Variants in THADA observed in about 807,000 individuals in gnomAD.
THADA encodes THADA armadillo repeat containing.
THADA carries 213 observed loss-of-function variants against 219.8 expected under a neutral mutation model. That is an observed-to-expected ratio of 0.97 (90% CI 0.87 to 1.09). THADA has a LOEUF of 1.09. Ranked by LOEUF, THADA falls within the 50% of genes least tolerant of loss-of-function variation. The probability of loss-of-function intolerance (pLI) is 0.00; values close to 1 mark genes in which losing one functional copy is unlikely to be tolerated. For missense variants in THADA, 2,956 were observed against 2,311.3 expected, an observed-to-expected ratio of 1.28 and a Z score of -5.72; for synonymous variants, 1,018 against 828.9, an observed-to-expected ratio of 1.23 and a Z score of -3.92.
At position 43,293,033 on chromosome 2, in the gene THADA, T is replaced by C; in HGVS notation, c.4619A>G (p.Asn1540Ser). 6.2e-7 allele frequency: 1 copy of C among 1,613,872 alleles called. No homozygotes were observed. The highest frequency in any genetic ancestry group is 8.5e-7 in the Non-Finnish European group (1 of 1,179,894). The change falls in exon 32 of 38, where the codon AAT becomes AGT. Residue 1540 changes from asparagine to serine, a missense_variant. Physicochemically the swap from Asn to Ser is conservative, Grantham distance 46. Coordinates refer to ENST00000405975, the MANE Select transcript of THADA (RefSeq NM_022065.5). Reference sequence around the variant, plus strand: ...CAGCTGAGAGAAAGAGATGGGGACATTCGTCTCCCGCTCTCCACTCTTGGC... The same window carrying C: ...CAGCTGAGAGAAAGAGATGGGGACACTCGTCTCCCGCTCTCCACTCTTGGC... ...AAAKSGERET[N>S]VPISFSQLLE... is the part of the protein sequence containing the mutation.
chr2:43,310,166 T>A (rs1302716821), intron 31 of THADA, among the ~76,000 whole-genome samples: 1 of 150,084 alleles, frequency 6.7e-6, no homozygotes, highest in African/African-American at 2.5e-5. Context: ...TTTAATGCAA[T>A]CCCTATCAAG....
At chr2:43,283,496 C>A (rs896191700) in intron 35 of THADA, among the ~76,000 whole-genome samples, 1 of 152,182 alleles carries the variant, frequency 6.6e-6, no homozygotes, top group African/African-American at 2.4e-5. Context: ...AAAATGCTGA[C>A]AGTGATATGG....
chr2:43,455,504 G>A (rs147602779), intron 26 of THADA, among the ~76,000 whole-genome samples: 1 of 149,578 alleles, frequency 6.7e-6, no homozygotes, highest in African/African-American at 2.5e-5. Context: ...ACGTGCTCTC[G>A]CTCTCTCTCT....
At chr2:43,502,837 A>C (rs1689175465) in intron 24 of THADA, among the ~76,000 whole-genome samples, 1 of 152,048 alleles carries the variant, frequency 6.6e-6, no homozygotes, top group African/African-American at 2.4e-5. Context: ...ATATCAAGAA[A>C]ATATTTTTGA....
rs781034188 is a variant in THADA, at chr2:43,551,832, C to A, written c.2904G>T (p.Gln968His). ...RLSTVVSPVI[Q>H]SSSPEGLIPM... is the part of the protein sequence containing the mutation. ...GGATGAGGCCTTCAGGGGATGAGCT[C>A]TGAATGACTGGAGACACCACAGTGG... Residue 968 changes from glutamine (Q) to histidine (H), a missense_variant, in exon 19 of 38, where the codon CAG (glutamine) becomes CAT (histidine). Transcript: ENST00000405975. The A allele has an allele frequency of 6.2e-6, 10 of 1,613,670 alleles. No homozygotes were observed. The East Asian group carries it at 2.2e-4, about 36-fold the overall frequency.
intron 26 of THADA, among the ~76,000 whole-genome samples, chr2:43,433,300 C>T (rs191812269): frequency 7.2e-5 from 11 of 151,972 alleles, no homozygotes; most frequent in East Asian, 3.9e-4. Context: ...GAGGCCGAGC[C>T]GGGTGGATCA....
intron 30 of THADA, among the ~76,000 whole-genome samples, chr2:43,321,132 G>A (rs572794567): frequency 6.6e-6 from 1 of 152,292 alleles, no homozygotes; most frequent in South Asian, 2.1e-4. Flanking sequence ...AGTAGAAATA[G>A]TAAGTGGGCT....
chr2:43,357,598 T>C (rs1187635847), intron 29 of THADA, among the ~76,000 whole-genome samples: 1 of 152,132 alleles, frequency 6.6e-6, no homozygotes, highest in Non-Finnish European at 1.5e-5. Context: ...ACTGGTTGTA[T>C]GGAATAGGAA....
chr2:43,573,656 T>A (rs1185574663), intron 11 of THADA, among the ~76,000 whole-genome samples: 1 of 152,236 alleles, frequency 6.6e-6, no homozygotes, highest in African/African-American at 2.4e-5. Context: ...CTCTTTGAAG[T>A]ACTGAACGTT....
intron 22 of THADA, among the ~76,000 whole-genome samples, chr2:43,516,017 T>G (rs1208987978): frequency 1.3e-5 from 2 of 152,098 alleles, no homozygotes; most frequent in Non-Finnish European, 2.9e-5. Flanking sequence ...GCCAAAAACT[T>G]TGTAGTTATG....
intron 26 of THADA, among the ~76,000 whole-genome samples, chr2:43,456,729 T>G (rs1223726368): frequency 6.6e-6 from 1 of 152,134 alleles, no homozygotes; most frequent in Non-Finnish European, 1.5e-5. Context: ...TGTTCTTTTG[T>G]CTTGGCTCTT....
chr2:43,578,657 G>A (rs1371358689), intron 8 of THADA, 50 bp from the exon 9 acceptor site: 1 of 1,388,206 alleles, frequency 7.2e-7, no homozygotes, highest in Admixed American at 1.9e-5. Flanking sequence ...GAATATTCTG[G>A]TAGAGTGGAA....
intron 35 of THADA, 100 bp from the exon 36 acceptor site, chr2:43,279,996 A>C (rs1164155817): frequency 7.8e-6 from 9 of 1,155,570 alleles, no homozygotes. Context: ...GCATTGAATG[A>C]GTTACAGCTA....
intron 29 of THADA, among the ~76,000 whole-genome samples, chr2:43,370,915 T>C (rs57990715): frequency 0.015 from 2,273 of 152,306 alleles, 53 homozygotes; most frequent in African/African-American, 0.05. Flanking sequence ...AGTTAATGTT[T>C]TCCAGTAATC....
intron 36 of THADA, among the ~76,000 whole-genome samples, chr2:43,236,296 C>CG (rs1668025827): frequency 6.6e-6 from 1 of 152,124 alleles, no homozygotes; most frequent in Admixed American, 6.5e-5. Context: ...TTTGGGGATG[C>CG]GGGGGGAAGG....
At chr2:43,308,206 A>C (rs1677079133) in intron 31 of THADA, among the ~76,000 whole-genome samples, 1 of 152,156 alleles carries the variant, frequency 6.6e-6, no homozygotes, top group Admixed American at 6.5e-5. Context: ...TTAAAAGAGA[A>C]CAGTAGTACG....
intron 26 of THADA, among the ~76,000 whole-genome samples, chr2:43,448,560 C>CTTTTTTTTTTTTTTTTTTT (rs71410179): frequency 6.8e-5 from 7 of 103,624 alleles, no homozygotes; most frequent in Non-Finnish European, 1.1e-4. Flanking sequence ...TTCTTCCTTT[C>CTTTTTTTTTTTTTTTTTTT]TTTTTTTTTT....
chr2:43,417,176 T>C (rs1001125307), intron 28 of THADA, among the ~76,000 whole-genome samples: 4 of 151,896 alleles, frequency 2.6e-5, no homozygotes, highest in Non-Finnish European at 4.4e-5. Context: ...TTATTGTTTT[T>C]TTTTTCTAGC....
chr2:43,485,981 G>C (rs1266830509), intron 25 of THADA, among the ~76,000 whole-genome samples: 1 of 151,930 alleles, frequency 6.6e-6, no homozygotes, highest in African/African-American at 2.4e-5. Context: ...GTAGTCAGAA[G>C]GCTCAGGCAG....
Sources: gnomAD v4.1 joint callset for allele counts (sites outside exome capture counted in the v4.1 genomes callset) on GRCh38, gnomAD v4.1.1 for gene constraint, MANE v1.5 for transcripts, NCBI Gene and HGNC (gene_info 2026-07-23, HGNC 2026-07-21) for gene names.